Variants in BBOF1 observed in about 807,000 individuals in gnomAD.
BBOF1 encodes basal body-orientation factor 1.
A neutral mutation model predicts 68.0 loss-of-function variants in BBOF1; 62 were observed. That is an observed-to-expected ratio of 0.91 (90% CI 0.74 to 1.13). The LOEUF (loss-of-function observed/expected upper bound fraction) is 1.13, where lower values mean the gene tolerates loss of function less well. Among genes scored for constraint, BBOF1 ranks in the 50% most tolerant of loss-of-function variants. The pLI is 0.00. For missense variants in BBOF1, 534 were observed against 600.1 expected (o/e 0.89, Z 1.15); for synonymous variants, 208 against 198.8 (o/e 1.05, Z -0.39).
At chr14:74,066,717 G>A, downstream of BBOF1, 1 of 1,614,074 alleles carries the variant, frequency 6.2e-7, no homozygotes, top group Admixed American at 1.7e-5. Flanking sequence ...TGACATTCGA[G>A]ATGATGGTTG....
intron 9 of BBOF1, chr14:74,072,632 A>C: frequency 6.2e-7 from 1 of 1,611,318 alleles, no homozygotes; most frequent in East Asian, 2.2e-5. Flanking sequence ...CAAACAAACA[A>C]ACAAACAAAC....
Position 74,065,595 on chromosome 14 carries a change from TC to T in BBOF1, c.*898del, listed in dbSNP as rs2060449160. ...AATTCCTATCAACAATAACCACACTTCCTTTAAGGGACTGTATCTTTAGTTC... is the reference window on the plus strand; with the variant it reads ...AATTCCTATCAACAATAACCACACTTCTTTAAGGGACTGTATCTTTAGTTC... On this transcript the variant is annotated 3_prime_UTR_variant, in exon 12 of 12. Coordinates refer to ENST00000394009, the MANE Select transcript of BBOF1 (RefSeq NM_025057.3). 26 of 525,948 alleles carry T rather than the reference TC, an allele frequency of 4.9e-5. No individual in the cohort carries two copies. The South Asian group carries it at 5.4e-4, about 11-fold the overall frequency. The allele number at this position is 525,948 out of a possible 1,614,324, so 32.6% of individuals were successfully genotyped here.
intron 5 of BBOF1, among the ~76,000 whole-genome samples, chr14:74,043,943 C>T (rs1333754221): frequency 6.6e-6 from 1 of 151,738 alleles, no homozygotes; most frequent in Non-Finnish European, 1.5e-5. Flanking sequence ...GAGAGATTTC[C>T]TAAACTCCAA....
chr14:74,037,899 G>C (rs1268630665), intron 4 of BBOF1, among the ~76,000 whole-genome samples: 1 of 151,228 alleles, frequency 6.6e-6, no homozygotes, highest in East Asian at 1.9e-4. Flanking sequence ...AGGTTGCAGT[G>C]AGCTGAGATC....
chr14:74,057,975 A>C, intron 11 of BBOF1: 1 of 854,112 alleles, frequency 1.2e-6, no homozygotes, highest in Non-Finnish European at 1.4e-6. Flanking sequence ...TTCCACTTGG[A>C]ATATAGACAA....
At chr14:74,074,636 A>T (rs1360923053) in intron 9 of BBOF1, among the ~76,000 whole-genome samples, 4 of 152,184 alleles carry the variant, frequency 2.6e-5, no homozygotes, top group Non-Finnish European at 1.5e-5. Flanking sequence ...CTGTGTAGAA[A>T]GAATTTGAGC....
At chr14:74,020,238 A>G (rs571681781) in intron 1 of BBOF1, among the ~76,000 whole-genome samples, 1 of 114,418 alleles carries the variant, frequency 8.7e-6, no homozygotes, top group Admixed American at 8.6e-5. Context: ...GTATTCTTTT[A>G]TGGTATTTTT....
At chr14:74,072,924 C>T (rs369701097) in intron 9 of BBOF1, among the ~76,000 whole-genome samples, 2 of 151,376 alleles carry the variant, frequency 1.3e-5, no homozygotes, top group East Asian at 1.9e-4. Flanking sequence ...CTCAGCCCTT[C>T]GAGTAGCTGA....
chr14:74,082,390 G>A (rs1244357743), intron 12 of BBOF1, among the ~76,000 whole-genome samples: 1 of 138,246 alleles, frequency 7.2e-6, no homozygotes, highest in Admixed American at 7.6e-5. Context: ...TGCCAAAATC[G>A]AGGTTTTTTT....
At chr14:74,071,099 AC>A in intron 9 of BBOF1, 2 of 1,192,724 alleles carry the variant, frequency 1.7e-6, no homozygotes, top group Non-Finnish European at 2.5e-6. Flanking sequence ...TTTCCTCCTT[AC>A]AAGTAGGTTC....
At chr14:74,072,050 T>G (rs2060556968) in intron 9 of BBOF1, 2 of 1,575,088 alleles carry the variant, frequency 1.3e-6, no homozygotes, top group Non-Finnish European at 1.7e-6. Flanking sequence ...AAAGGAAGAA[T>G]AAGACTGGAG....
intron 11 of BBOF1, among the ~76,000 whole-genome samples, chr14:74,062,852 A>G (rs572052126): frequency 1.3e-5 from 2 of 152,372 alleles, no homozygotes; most frequent in South Asian, 4.1e-4. Flanking sequence ...GTATAACAAA[A>G]CATGTAATTT....
At chr14:74,042,115 T>A (rs1207303563) in intron 5 of BBOF1, among the ~76,000 whole-genome samples, 1 of 152,208 alleles carries the variant, frequency 6.6e-6, no homozygotes, top group Non-Finnish European at 1.5e-5. Context: ...GCTCCAGCAA[T>A]CCTTCTGCCT....
In BBOF1 at chr14:74,074,574, G is replaced by A. The variant is rs138518865; in HGVS notation, n.1380-3622G>A. ...TGCTGGGACACTAAATTTTTAAAGC[G>A]GTCTATGAACCAAAAAATGGTGACC... On this transcript the variant is annotated intron_variant and non_coding_transcript_variant, in intron 9 of 12. Coordinates refer to the BBOF1 transcript ENST00000492026. Among the ~76,000 whole-genome samples the A allele has an allele frequency of 1.4e-3, 208 of 152,126 alleles. 1 individual carries two copies. The highest frequency in any genetic ancestry group is 4.7e-3 in the African/African-American group (195 of 41,494).
intron 9 of BBOF1, among the ~76,000 whole-genome samples, chr14:74,073,353 C>T (rs937451996): frequency 6.6e-6 from 1 of 151,962 alleles, no homozygotes; most frequent in African/African-American, 2.4e-5. Flanking sequence ...GATCCACCTG[C>T]GTCAGGCTCT....
intron 8 of BBOF1, 118 bp from the exon 9 acceptor site, chr14:74,055,466 A>G: frequency 1.4e-6 from 1 of 711,416 alleles, no homozygotes; most frequent in Non-Finnish European, 2.4e-6. Context: ...GTTTCATAAT[A>G]TTCAATTATG....
chr14:74,074,932 A>G, intron 9 of BBOF1: 1 of 1,611,572 alleles, frequency 6.2e-7, no homozygotes, highest in Non-Finnish European at 8.5e-7. Context: ...TCAGAAGTCA[A>G]CCTCTATGCC....
In BBOF1 at chr14:74,064,902, TGG is replaced by T; in HGVS notation, c.*206_*207del. The T allele has an allele frequency of 6.2e-7, 1 of 1,613,996 alleles. No homozygotes were observed. The highest frequency in any genetic ancestry group is 8.5e-7 in the Non-Finnish European group (1 of 1,179,934). ...GAGAACATTGGCAAAGGCACTGGAA[TGG>T]GGACATTCACTCCCACCTAAAACAG... On this transcript the variant is annotated 3_prime_UTR_variant, in exon 12 of 12. Coordinates refer to ENST00000394009, the MANE Select transcript of BBOF1 (RefSeq NM_025057.3).
chr14:74,046,454 C>T (rs1566808822), intron 6 of BBOF1, among the ~76,000 whole-genome samples: 1 of 152,150 alleles, frequency 6.6e-6, no homozygotes. Context: ...CTCACTGCAA[C>T]CTCTGCCTCC....
Sources: gnomAD v4.1 joint callset for allele counts (sites outside exome capture counted in the v4.1 genomes callset) on GRCh38, gnomAD v4.1.1 for gene constraint, MANE v1.5 for transcripts, NCBI Gene and HGNC (gene_info 2026-07-23, HGNC 2026-07-21) for gene names.